The following PLSCR2 variants were observed in gnomAD, a reference collection of about 807,000 sequenced individuals.
The protein encoded by PLSCR2 is phospholipid scramblase 2.
PLSCR2 carries 18 observed loss-of-function variants against 25.3 expected under a neutral mutation model. The observed-to-expected ratio is 0.71, with a 90% confidence interval of 0.49 to 1.06. The LOEUF (loss-of-function observed/expected upper bound fraction) is 1.06. Among genes scored for constraint, PLSCR2 ranks in the 50% least tolerant of loss-of-function variants. The pLI is 0.00. For synonymous variants in PLSCR2, 88 were observed against 87.3 expected (o/e 1.01, Z -0.04); for missense variants, 243 against 269.5 (o/e 0.90, Z 0.69).
At chr3:146,451,296 G>C (rs967971068) in intron 5 of PLSCR2, among the ~76,000 whole-genome samples, 1 of 151,672 alleles carries the variant, frequency 6.6e-6, no homozygotes, top group African/African-American at 2.4e-5. Flanking sequence ...TGTATTTTTA[G>C]TAGAGACGGG....
rs1184296345 is a variant in PLSCR2 at position 146,460,086 on chromosome 3, G to T, written c.-179-3C>A. On this transcript the variant is annotated splice_polypyrimidine_tract_variant and splice_region_variant and intron_variant, in intron 1 of 6. Coordinates refer to ENST00000610787, the Ensembl canonical transcript of PLSCR2. ...GTAGACAATATGTCCGGGAGGTCCT[G>T]AAATAGGAGCAAGTAAAATAATTTG... 6.6e-7 allele frequency: 1 copy of T among 1,505,046 alleles called. No individual in the cohort carries two copies. The highest frequency in any genetic ancestry group is 8.9e-7 in the Non-Finnish European group (1 of 1,121,016). The allele number at this position is 1,505,046 out of a possible 1,614,324, so 93.2% of individuals were successfully genotyped here.
intron 2 of PLSCR2, among the ~76,000 whole-genome samples, chr3:146,421,783 T>C (rs910828099): frequency 6.6e-6 from 1 of 152,126 alleles, no homozygotes; most frequent in Non-Finnish European, 1.5e-5. Flanking sequence ...GGTAGGTTAG[T>C]GCAAATGGGG....
intron 1 of PLSCR2, 108 bp from the exon 1 acceptor site, chr3:146,469,669 T>G (rs2042032350): frequency 1.6e-6 from 1 of 611,060 alleles, no homozygotes; most frequent in Non-Finnish European, 2.0e-6. Flanking sequence ...CTAGTTTAGG[T>G]TTCTGGACCC....
chr3:146,443,618 T>C (rs2040377923), intron 6 of PLSCR2, among the ~76,000 whole-genome samples: 1 of 152,054 alleles, frequency 6.6e-6, no homozygotes, highest in Non-Finnish European at 1.5e-5. Flanking sequence ...TCCTTTTTCA[T>C]CTCTGATGTT....
intron 8 of PLSCR2, among the ~76,000 whole-genome samples, chr3:146,435,021 G>T (rs554460168): frequency 1.3e-5 from 2 of 150,242 alleles, no homozygotes; most frequent in Admixed American, 6.7e-5. Context: ...AACATGTGGT[G>T]TTTGGTTTTC....
At chr3:146,434,928 C>A (rs914112665) in intron 8 of PLSCR2, among the ~76,000 whole-genome samples, 4 of 127,796 alleles carry the variant, frequency 3.1e-5, no homozygotes, top group Admixed American at 8.3e-5. Context: ...CCCCTCCCCC[C>A]ACCCCATGAC....
In PLSCR2 at chr3:146,481,585, C is replaced by A. The variant is rs6794635; in HGVS notation, c.-293+14310G>T. Reference sequence around the variant, plus strand: ...CTGCTCAAGGAAATAAGACAGGACACAAACAAATGGAAGAACATTCCATGC... The same window carrying A: ...CTGCTCAAGGAAATAAGACAGGACAAAAACAAATGGAAGAACATTCCATGC... On this transcript the variant is annotated intron_variant, in intron 1 of 8. Coordinates refer to the PLSCR2 transcript ENST00000336685. 6.6e-3 allele frequency among the ~76,000 whole-genome samples: 1,007 copies of A among 152,230 alleles called. 13 individuals are homozygous for A. Among genetic ancestry groups the A allele is most frequent in the African/African-American group, 0.023 (961 of 41,538 alleles).
chr3:146,478,834 C>T (rs139505191), intron 1 of PLSCR2, among the ~76,000 whole-genome samples: 6,395 of 152,210 alleles, frequency 0.042, 198 homozygotes, highest in Admixed American at 0.089. Context: ...ATGTTAAGGG[C>T]AGCCAGAGAC....
intron 3 of PLSCR2, chr3:146,395,600 A>G (rs1358412561): frequency 6.5e-6 from 1 of 153,200 alleles, no homozygotes; most frequent in Non-Finnish European, 1.5e-5. Context: ...TTCCTTTGCA[A>G]TGTGAATACT....
At chr3:146,406,300 T>C (rs1488880336) in intron 2 of PLSCR2, among the ~76,000 whole-genome samples, 2 of 151,912 alleles carry the variant, frequency 1.3e-5, no homozygotes, top group African/African-American at 4.8e-5. Flanking sequence ...CATTTTGGAG[T>C]CCTTTTTTCT....
chr3:146,483,753 A>G (rs111660796), intron 1 of PLSCR2, among the ~76,000 whole-genome samples: 3 of 151,570 alleles, frequency 2.0e-5, no homozygotes, highest in African/African-American at 7.3e-5. Context: ...CAGCATCAAC[A>G]AAAAAATACC....
chr3:146,476,381 G>C (rs1048813334), intron 1 of PLSCR2, among the ~76,000 whole-genome samples: 3 of 152,210 alleles, frequency 2.0e-5, no homozygotes, highest in African/African-American at 4.8e-5. Flanking sequence ...CCATGGATCT[G>C]TGCAACCCAT....
chr3:146,437,522 T>C (rs142111761), downstream of PLSCR2, among the ~76,000 whole-genome samples: 1,341 of 152,314 alleles, frequency 8.8e-3, 12 homozygotes, highest in Non-Finnish European at 0.013. Flanking sequence ...TGTCCAGGAA[T>C]TTATCCATTT....
intron 3 of PLSCR2, among the ~76,000 whole-genome samples, chr3:146,392,705 T>C (rs1445585687): frequency 6.6e-6 from 1 of 151,776 alleles, no homozygotes; most frequent in Admixed American, 6.6e-5. Context: ...ACATTTAAAC[T>C]ATTTAAATTT....
At chr3:146,411,231 C>T (rs2038837821) in intron 2 of PLSCR2, among the ~76,000 whole-genome samples, 1 of 152,050 alleles carries the variant, frequency 6.6e-6, no homozygotes, top group South Asian at 2.1e-4. Flanking sequence ...AGGGAGGGCC[C>T]CTGTCAGGAC....
chr3:146,469,821 C>G (rs1315602364), intron 1 of PLSCR2, among the ~76,000 whole-genome samples: 2 of 151,464 alleles, frequency 1.3e-5, no homozygotes, highest in Non-Finnish European at 2.9e-5. Flanking sequence ...CCGCCCAGCC[C>G]GTCCCGTCTC....
At chr3:146,395,987 A>C in intron 2 of PLSCR2, 1 of 257,332 alleles carries the variant, frequency 3.9e-6, no homozygotes, top group Non-Finnish European at 7.7e-6. Flanking sequence ...TCCTGTACCA[A>C]ATTTATTAAT....
At chr3:146,429,930 G>T (rs117337523), downstream of PLSCR2, among the ~76,000 whole-genome samples, 99 of 152,230 alleles carry the variant, frequency 6.5e-4, 1 homozygote, top group East Asian at 0.016. Flanking sequence ...CCAGGGAAGG[G>T]GTGGGAGCAA....
At chr3:146,491,594 A>G (rs1428575252) in intron 1 of PLSCR2, among the ~76,000 whole-genome samples, 1 of 152,062 alleles carries the variant, frequency 6.6e-6, no homozygotes, top group East Asian at 1.9e-4. Context: ...AGTCAAAGGA[A>G]TGTTCTTCAA....
Sources: allele counts gnomAD v4.1 joint callset (sites outside exome capture counted in the v4.1 genomes callset), GRCh38; gene constraint gnomAD v4.1.1; transcripts MANE v1.5; gene names NCBI Gene and HGNC (gene_info 2026-07-23, HGNC 2026-07-21).